The following PC variants were observed in gnomAD, a reference collection of about 807,000 sequenced individuals.
The protein encoded by PC is pyruvate carboxylase, also known as pyruvate carboxylase, mitochondrial.
A neutral mutation model predicts 107.8 loss-of-function variants in PC; 46 were observed. That is an observed-to-expected ratio of 0.43 (90% confidence interval 0.34 to 0.55). The LOEUF (loss-of-function observed/expected upper bound fraction) is 0.55. PC is among the 20% of genes least tolerant of loss of function. PC has a pLI of 0.04. For missense variants in PC, 1,241 were observed against 1,643.1 expected (o/e 0.76, Z 4.23); for synonymous variants, 662 against 684.7 (o/e 0.97, Z 0.52).
At position 66,858,843 on chromosome 11, in the gene PC, C is replaced by T. The variant is rs767165983; in HGVS notation, c.1368+4931G>A. The T allele has an allele frequency of 3.9e-6, 6 of 1,551,856 alleles. No individual in the cohort carries two copies. Among genetic ancestry groups the T allele is most frequent in the Admixed American group, 1.9e-5 (1 of 51,406 alleles). ...TGAGGCCACAGCCCGAGTAGAACTG[C>T]GGGTGCTGGCCTTGCCCCATGGTGG... On this transcript the variant is annotated intron_variant, in intron 12 of 22. Transcript: ENST00000393960. The surrounding 1 kb of genome is among the most constrained non-coding windows in gnomAD (Gnocchi z 5.9).
At chr11:66,923,733 T>TG (rs1478778519) in intron 3 of PC, among the ~76,000 whole-genome samples, 1 of 151,836 alleles carries the variant, frequency 6.6e-6, no homozygotes, top group Non-Finnish European at 1.5e-5. Context: ...TTGGCCAGGC[T>TG]GGTCTCAAAC....
At position 66,871,368 on chromosome 11, in the gene PC, A is replaced by C. The variant is rs28940591; in HGVS notation, c.434T>G (p.Val145Gly). 1 of 1,613,810 alleles carries C rather than the reference A, an allele frequency of 6.2e-7. No individual in the cohort carries two copies. The highest frequency in any genetic ancestry group is 8.5e-7 in the Non-Finnish European group (1 of 1,180,018). Reference sequence around the variant, plus strand: ...CACCTTGTCTCCCATCTTGCGGACCACTTCTGGGCTTGGCCCAATAAACCG... The same window carrying C: ...CACCTTGTCTCCCATCTTGCGGACCCCTTCTGGGCTTGGCCCAATAAACCG... Reference protein sequence around the residue: ...GVRFIGPSPEVVRKMGDKVEA... With the variant: ...GVRFIGPSPEGVRKMGDKVEA... The change falls in exon 6 of 23, where the codon GTG (valine) becomes GGG (glycine). Residue 145 changes from valine to glycine, a missense_variant. Physicochemically the swap from Val to Gly is moderately radical, Grantham distance 109. Transcript: ENST00000393960. This position sits in a 1 kb window ranked among gnomAD's most constrained non-coding sequence, Gnocchi z 7.4.
chr11:66,849,115 G>A lies in PC; in HGVS notation c.3321C>T (p.Asp1107=), dbSNP rs758911778. 17 of 1,613,944 alleles carry A rather than the reference G, an allele frequency of 1.1e-5. No individual in the cohort carries two copies. The African/African-American group carries it at 1.3e-4, about 13-fold the overall frequency. The change falls in exon 23 of 23, where the codon GAC becomes GAT. Residue 1107 remains aspartate, a synonymous_variant. Coordinates refer to ENST00000393960, the MANE Select transcript of PC (RefSeq NM_001040716.2). ...EMHFHPKALK[D]VKGQIGAPMP... The stretch of plus-strand genomic sequence containing the variant: ...TGGGCGCCCCGATCTGGCCCTTCAC[G>A]TCCTTTAGGGCCTTGGGGTGGAAGT...
Position 66,871,075 on chromosome 11 carries a change from T to C in PC, c.610A>G (p.Met204Val), listed in dbSNP as rs1946711617. The C allele has an allele frequency of 6.2e-7, 1 of 1,614,012 alleles. No homozygotes were observed. The highest frequency in any genetic ancestry group is 1.3e-5 in the African/African-American group (1 of 75,022). The change falls in exon 7 of 23, where the codon ATG becomes GTG. Residue 204 changes from methionine (M) to valine (V), a missense_variant. Physicochemically the swap from Met to Val is conservative, Grantham distance 21. Coordinates refer to ENST00000393960, the MANE Select transcript of PC (RefSeq NM_001040716.2). The surrounding 1 kb of genome is among the most constrained non-coding windows in gnomAD (Gnocchi z 7.4). ...ACCTCGTAGCTGTGCACCACCCTCATGCCACGCCCTCCACCCCCATAGGCC... is the reference window on the plus strand; with the variant it reads ...ACCTCGTAGCTGTGCACCACCCTCACGCCACGCCCTCCACCCCCATAGGCC... ...KAAYGGGGRGMRVVHSYEELE... is the reference protein window; with the variant it reads ...KAAYGGGGRGVRVVHSYEELE...
Position 66,871,572 on chromosome 11 carries a change from T to C in PC, c.322-92A>G. On this transcript the variant is annotated intron_variant, in intron 5 of 22. Coordinates refer to ENST00000393960, the MANE Select transcript of PC (RefSeq NM_001040716.2). The surrounding 1 kb of genome is among the most constrained non-coding windows in gnomAD (Gnocchi z 7.4). ...CCCCTGCCTAACCTGCTGAGCTGCA[T>C]CCGTTTACCCACCCACGCACAGAGG... The C allele has an allele frequency of 6.3e-7, 1 of 1,591,106 alleles. No homozygotes were observed. Among genetic ancestry groups the C allele is most frequent in the Non-Finnish European group, 8.6e-7 (1 of 1,161,408 alleles).
At chr11:66,897,775 T>C (rs1947809411) in intron 3 of PC, among the ~76,000 whole-genome samples, 1 of 152,158 alleles carries the variant, frequency 6.6e-6, no homozygotes, top group African/African-American at 2.4e-5. Flanking sequence ...CCTTGAGCTC[T>C]ACGGGGGCAG....
At position 66,855,619 on chromosome 11, in the gene PC, G is replaced by A. The variant is rs928010145; in HGVS notation, c.1369-2236C>T. ...CGGTGGAAAACATTTTTGATGGGGA[G>A]AAGAGGAACAAAGACATAGCTGGTG... On this transcript the variant is annotated intron_variant, in intron 12 of 22. Transcript: ENST00000393960. 4.9e-4 allele frequency among the ~76,000 whole-genome samples: 74 copies of A among 152,286 alleles called. 1 individual carries two copies. The highest frequency in any genetic ancestry group is 1.8e-3 in the African/African-American group (73 of 41,558).
intron 3 of PC, among the ~76,000 whole-genome samples, chr11:66,927,194 C>T (rs1347198229): frequency 7.7e-6 from 1 of 129,736 alleles, no homozygotes; most frequent in Non-Finnish European, 1.6e-5. Context: ...GCTGTGAACG[C>T]TCACACATAT....
chr11:66,893,659 T>G (rs1947648905), intron 3 of PC, among the ~76,000 whole-genome samples: 1 of 152,198 alleles, frequency 6.6e-6, no homozygotes, highest in Non-Finnish European at 1.5e-5. Context: ...TCTTTACCCC[T>G]GCTCTCAACA....
intron 12 of PC, among the ~76,000 whole-genome samples, chr11:66,862,926 G>A (rs1018776935): frequency 2.6e-5 from 4 of 152,248 alleles, no homozygotes; most frequent in Non-Finnish European, 5.9e-5. Flanking sequence ...GACACTGTGT[G>A]CACCAGGCCA....
chr11:66,937,921 T>C (rs771679626), intron 3 of PC, among the ~76,000 whole-genome samples: 3 of 151,838 alleles, frequency 2.0e-5, no homozygotes, highest in Non-Finnish European at 4.4e-5. Context: ...GGACTACAGG[T>C]GCGTGCCACC....
intron 3 of PC, among the ~76,000 whole-genome samples, chr11:66,902,062 C>T (rs1489468821): frequency 6.6e-6 from 1 of 152,134 alleles, no homozygotes; most frequent in Non-Finnish European, 1.5e-5. Context: ...AGTCCATGAG[C>T]CAAGGCGATA....
Position 66,848,969 on chromosome 11 carries a change from G to C in PC, c.3467C>G (p.Thr1156Ser). The C allele has an allele frequency of 1.9e-6, 3 of 1,614,110 alleles. No homozygotes were observed. Among genetic ancestry groups the C allele is most frequent in the Non-Finnish European group, 2.5e-6 (3 of 1,180,038 alleles). ...ETVVTSPMEG[T>S]VRKVHVTKDM... is the part of the protein sequence containing the mutation. ...CTTGGTCACATGAACCTTGCGGACA[G>C]TACCCTCCATGGGTGAGGTCACCAC... is the stretch of plus-strand genomic sequence containing the variant. The change falls in exon 23 of 23, where the codon ACT (threonine) becomes AGT (serine). Residue 1156 changes from threonine (T) to serine (S), a missense_variant. Coordinates refer to ENST00000393960, the MANE Select transcript of PC (RefSeq NM_001040716.2).
At chr11:66,884,762 A>G (rs1947301826) in intron 3 of PC, among the ~76,000 whole-genome samples, 1 of 152,206 alleles carries the variant, frequency 6.6e-6, no homozygotes, top group Admixed American at 6.5e-5. Flanking sequence ...TTTGTCACTA[A>G]AGCCCAAAAG....
rs893293811 is a variant in PC, at chr11:66,937,091, G to A, written c.-1+15339C>T. On this transcript the variant is annotated intron_variant, in intron 3 of 22. Coordinates refer to ENST00000393960, the MANE Select transcript of PC (RefSeq NM_001040716.2). ...ACTTCTGACCTCAAATGATCCACCC[G>A]TCTGGGCCTCCCAAAGTGCTGGGAT... Among the ~76,000 whole-genome samples the A allele has an allele frequency of 7.2e-5, 11 of 152,236 alleles. No homozygotes were observed. The East Asian group carries it at 9.6e-4, about 13-fold the overall frequency.
intron 3 of PC, among the ~76,000 whole-genome samples, chr11:66,901,636 A>AG (rs1947960438): frequency 6.6e-6 from 1 of 151,918 alleles, no homozygotes; most frequent in Admixed American, 6.6e-5. Context: ...ATGCCTGGCT[A>AG]ATTTTTTTGT....
intron 3 of PC, among the ~76,000 whole-genome samples, chr11:66,900,756 C>T (rs563915366): frequency 2.7e-4 from 41 of 152,110 alleles, no homozygotes; most frequent in African/African-American, 8.0e-4. Flanking sequence ...TATTTTGATG[C>T]TATCTTAAAT....
chr11:66,908,943 G>A (rs1303504053), intron 3 of PC, among the ~76,000 whole-genome samples: 1 of 152,126 alleles, frequency 6.6e-6, no homozygotes, highest in Non-Finnish European at 1.5e-5. Context: ...ATGACAATAA[G>A]CAGCTTTCTG....
rs1945324355 is a variant in PC at position 66,849,230 on chromosome 11, C to T, written c.3288G>A (p.Lys1096=). 1 of 1,613,698 alleles carries T rather than the reference C, an allele frequency of 6.2e-7. No homozygotes were observed. The highest frequency in any genetic ancestry group is 1.3e-5 in the African/African-American group (1 of 74,936). ...SILVKDTQAM[K]EMHFHPKALK... The stretch of plus-strand genomic sequence containing the variant: ...TGGCTGGCCCTGGGGGAGACAATAC[C>T]TTCATGGCCTGGGTGTCCTTGACCA... Residue 1096 remains lysine (K), a splice_region_variant and synonymous_variant, in exon 22 of 23, where the codon AAG becomes AAA. Coordinates refer to ENST00000393960, the MANE Select transcript of PC (RefSeq NM_001040716.2).
Sources: allele counts gnomAD v4.1 joint callset (sites outside exome capture counted in the v4.1 genomes callset), GRCh38; gene constraint gnomAD v4.1.1; non-coding constraint Gnocchi (gnomAD v3.1); transcripts MANE v1.5; gene names NCBI Gene and HGNC (gene_info 2026-07-23, HGNC 2026-07-21).